Variants in MYO10 observed in about 807,000 individuals in gnomAD.
MYO10 encodes unconventional myosin-X.
A neutral mutation model predicts 257.3 loss-of-function variants in MYO10; 133 were observed. The observed-to-expected ratio is 0.52, with a 90% CI of 0.45 to 0.60. The LOEUF is 0.60. Ranked by LOEUF, MYO10 falls within the 20% of genes least tolerant of loss-of-function variation. MYO10 has a pLI of 0.00. For synonymous variants in MYO10, 1,104 were observed against 1,028.6 expected (o/e 1.07, Z -1.40); for missense variants, 2,399 against 2,635.7 (o/e 0.91, Z 1.97).
In MYO10 at chr5:16,681,316, T is replaced by C; in HGVS notation, c.4377A>G (p.Lys1459=). The C allele has an allele frequency of 1.9e-6, 3 of 1,608,124 alleles. No homozygotes were observed. The change falls in exon 32 of 41, where the codon AAA becomes AAG. Residue 1459 remains lysine, a synonymous_variant. Coordinates refer to ENST00000513610, the MANE Select transcript of MYO10 (RefSeq NM_012334.3). ...SVVPPDEKIF[K]ETGYWNVTVY... is the part of the protein sequence containing the mutation. ...GGCAGCCAGCCTGGTTACCTGTCTC[T>C]TTGAATATCTTCTCATCTGGGGGGA...
intron 26 of MYO10, 60 bp downstream of exon 26, chr5:16,699,390 C>A: frequency 6.4e-7 from 1 of 1,574,154 alleles, no homozygotes; most frequent in South Asian, 1.2e-5. Context: ...TCCATCAGCC[C>A]GGATAAAATA....
At chr5:16,705,406 AGT>A (rs959082258) in intron 21 of MYO10, among the ~76,000 whole-genome samples, 2 of 152,232 alleles carry the variant, frequency 1.3e-5, no homozygotes, top group Non-Finnish European at 2.9e-5. Flanking sequence ...TTATCAAATA[AGT>A]GTGTCAGGTA....
Position 16,664,655 on chromosome 5 carries a change from G to A in MYO10, c.*2037C>T, listed in dbSNP as rs1289732203. 6.6e-6 allele frequency: 1 copy of A among 152,240 alleles called. No individual in the cohort carries two copies. Among genetic ancestry groups the A allele is most frequent in the East Asian group, 1.9e-4 (1 of 5,188 alleles). The allele number at this position is 152,240 out of a possible 1,614,324, so 9.4% of individuals were successfully genotyped here. A position where few individuals can be genotyped will look rare whatever the true frequency, so the allele number is the denominator to read the frequency against. ...TGGCAACCAAACTGCCTACCTGTGT[G>A]TTCTGGTCCACAGGGAGGTGCAGGC... On this transcript the variant is annotated 3_prime_UTR_variant, in exon 41 of 41. Transcript: ENST00000513610.
At chr5:16,793,251 C>A (rs1741824560) in intron 4 of MYO10, among the ~76,000 whole-genome samples, 1 of 152,154 alleles carries the variant, frequency 6.6e-6, no homozygotes, top group South Asian at 2.1e-4. Context: ...AAATAATTAA[C>A]AAACTCCAAC....
intron 2 of MYO10, among the ~76,000 whole-genome samples, chr5:16,859,019 TG>T (rs1288550827): frequency 6.6e-6 from 1 of 152,062 alleles, no homozygotes; most frequent in Non-Finnish European, 1.5e-5. Flanking sequence ...CTCTCCAACA[TG>T]GGGCTCCTGT....
chr5:16,905,595 G>GTGC (rs1167370364), intron 1 of MYO10, among the ~76,000 whole-genome samples: 1 of 152,114 alleles, frequency 6.6e-6, no homozygotes, highest in African/African-American at 2.4e-5. Context: ...TGACCGATGA[G>GTGC]TGCTGCAAAA....
rs191781560 is a variant in MYO10 at position 16,714,683 on chromosome 5, C to T, written c.1930-3438G>A. Among the ~76,000 whole-genome samples, 974 of 152,184 alleles carry T rather than the reference C, an allele frequency of 6.4e-3. 8 individuals carry two copies. The highest frequency in any genetic ancestry group is 0.01 in the Middle Eastern group (3 of 294). ...AAATACAAAAACAAAATTAGCCGGGCGTGGTGGCGGGCGCCTGCAGTCCCA... is the reference window on the plus strand; with the variant it reads ...AAATACAAAAACAAAATTAGCCGGGTGTGGTGGCGGGCGCCTGCAGTCCCA... On this transcript the variant is annotated intron_variant, in intron 19 of 40. Transcript: ENST00000513610.
chr5:16,935,668 G>T, intron 1 of MYO10, 120 bp downstream of exon 1: 1 of 1,165,510 alleles, frequency 8.6e-7, no homozygotes, highest in Non-Finnish European at 1.3e-6. Context: ...GATTTCAGGA[G>T]ACTCCCAGAA....
At position 16,762,048 on chromosome 5, in the gene MYO10, TC is replaced by T; in HGVS notation, c.1652del (p.Gly551GlufsTer26). 1 of 1,529,524 alleles carries T rather than the reference TC, an allele frequency of 6.5e-7. No homozygotes were observed. The allele number at this position is 1,529,524 out of a possible 1,614,324, so 94.7% of individuals were successfully genotyped here. On this transcript the variant is annotated frameshift_variant, in exon 16 of 41. Transcript: ENST00000513610. LOFTEE classifies it high-confidence loss of function. ...VNNFGVKHYA[G>X]EVQYDVRGIL... ...AGGTATCTTAATAAAAAGTTACCTC[TC>T]CAGCATAGTGCTTCACTCCAAAATT...
intron 2 of MYO10, among the ~76,000 whole-genome samples, chr5:16,856,102 G>A (rs1743953635): frequency 6.6e-6 from 1 of 152,178 alleles, no homozygotes; most frequent in Non-Finnish European, 1.5e-5. Flanking sequence ...GCACACGCCT[G>A]CATTCAAGTC....
chr5:16,728,902 GTTTTTACTGTATT>G lies in MYO10; in HGVS notation c.1930-17670_1930-17658del, dbSNP rs372452260. Among the ~76,000 whole-genome samples, 492 of 152,290 alleles carry G rather than the reference GTTTTTACTGTATT, an allele frequency of 3.2e-3. 3 individuals carry two copies. The highest frequency in any genetic ancestry group is 0.011 in the African/African-American group (456 of 41,554). ...TACAGCGATCTGATGTGGCTGCATC[GTTTTTACTGTATT>G]TTTTTACTGTATTTTTCTTTTCTTT... On this transcript the variant is annotated intron_variant, in intron 19 of 40. Coordinates refer to ENST00000513610, the MANE Select transcript of MYO10 (RefSeq NM_012334.3).
intron 33 of MYO10, among the ~76,000 whole-genome samples, chr5:16,678,817 C>T (rs1736852071): frequency 6.6e-6 from 1 of 152,212 alleles, no homozygotes; most frequent in South Asian, 2.1e-4. Context: ...ATCATTCTAG[C>T]ACCTTCTCTG....
intron 1 of MYO10, among the ~76,000 whole-genome samples, chr5:16,917,515 G>A (rs71609336): frequency 0.069 from 10,501 of 151,848 alleles, 429 homozygotes; most frequent in African/African-American, 0.11. Flanking sequence ...AAATATCCCC[G>A]GTGAGGCAAA....
intron 9 of MYO10, among the ~76,000 whole-genome samples, chr5:16,777,839 CTTT>C (rs61326508): frequency 0.2 from 17,896 of 88,294 alleles, 2,182 homozygotes; most frequent in Admixed American, 0.22. Flanking sequence ...TTGCATCTAA[CTTT>C]TTTTTTTTTT....
chr5:16,923,658 G>A (rs1461127347), intron 1 of MYO10, among the ~76,000 whole-genome samples: 9 of 126,990 alleles, frequency 7.1e-5, no homozygotes, highest in African/African-American at 2.3e-4. Context: ...CCTTAAACAC[G>A]CCCATACACA....
chr5:16,796,917 A>C (rs1741989565), intron 3 of MYO10, among the ~76,000 whole-genome samples: 2 of 152,174 alleles, frequency 1.3e-5, no homozygotes. Flanking sequence ...TGTCTTTGTT[A>C]GAAGAGGAAA....
rs527935372 is a variant in MYO10 at position 16,855,341 on chromosome 5, G to A, written c.120+22268C>T. Among the ~76,000 whole-genome samples, 58 of 152,280 alleles carry A rather than the reference G, an allele frequency of 3.8e-4. No individual in the cohort carries two copies. In the South Asian group the frequency reaches 6.2e-3, roughly 16 times the overall value. On this transcript the variant is annotated intron_variant, in intron 2 of 40. Transcript: ENST00000513610. ...AACATCCAAAATTCAGGGAGTGGAT[G>A]CTGAAGTCTACACTCGCTGGTGCTA... is the stretch of plus-strand genomic sequence containing the variant.
At chr5:16,841,301 G>A (rs1369307755) in intron 2 of MYO10, among the ~76,000 whole-genome samples, 1 of 152,154 alleles carries the variant, frequency 6.6e-6, no homozygotes, top group Non-Finnish European at 1.5e-5. Context: ...TAGAAGAACT[G>A]AGATATTAAA....
intron 3 of MYO10, among the ~76,000 whole-genome samples, chr5:16,810,904 C>CA (rs1460518709): frequency 2.0e-5 from 3 of 151,686 alleles, no homozygotes; most frequent in Admixed American, 6.6e-5. Flanking sequence ...CCTGTATCTA[C>CA]AAAAAAATAC....
Sources: gnomAD v4.1 joint callset for allele counts (sites outside exome capture counted in the v4.1 genomes callset) on GRCh38, gnomAD v4.1.1 for gene constraint, MANE v1.5 for transcripts, NCBI Gene and HGNC (gene_info 2026-07-23, HGNC 2026-07-21) for gene names.